The following ERC2 variants were observed in gnomAD, a reference collection of about 807,000 sequenced individuals.
ERC2 encodes ELKS/RAB6-interacting/CAST family member 2, also known as ERC protein 2.
ERC2 carries 42 observed loss-of-function variants against 114.8 expected under a neutral mutation model. That is an observed-to-expected ratio of 0.37 (90% confidence interval 0.29 to 0.47). ERC2 has a LOEUF of 0.47. ERC2 is among the 20% of genes least tolerant of loss of function. The pLI, the probability that ERC2 is intolerant of heterozygous loss-of-function variation, is 0.99. For missense variants in ERC2, 939 were observed against 1,150.7 expected (o/e 0.82, Z 2.66); for synonymous variants, 454 against 425.5 (o/e 1.07, Z -0.82).
intron 14 of ERC2, among the ~76,000 whole-genome samples, chr3:55,817,562 A>G (rs1167817879): frequency 1.3e-5 from 2 of 152,184 alleles, no homozygotes; most frequent in Non-Finnish European, 2.9e-5. Flanking sequence ...GAATTGACTC[A>G]TATATTTATT....
At chr3:56,170,971 T>G (rs2082635627) in intron 4 of ERC2, among the ~76,000 whole-genome samples, 1 of 152,076 alleles carries the variant, frequency 6.6e-6, no homozygotes, top group Non-Finnish European at 1.5e-5. Context: ...TTCACCGTGT[T>G]AGTCAGGATG....
At chr3:55,832,872 C>G (rs371970341) in intron 14 of ERC2, among the ~76,000 whole-genome samples, 2 of 151,980 alleles carry the variant, frequency 1.3e-5, no homozygotes, top group Non-Finnish European at 2.9e-5. Context: ...ACAATTTAGA[C>G]GAATGTATAA....
chr3:56,465,479 C>G (rs1271361492), intron 1 of ERC2, among the ~76,000 whole-genome samples: 1 of 152,198 alleles, frequency 6.6e-6, no homozygotes, highest in Admixed American at 6.5e-5. Flanking sequence ...TACCTAATCA[C>G]TAATGGAAAA....
chr3:56,441,176 G>C (rs2062287918), intron 1 of ERC2, among the ~76,000 whole-genome samples: 1 of 152,160 alleles, frequency 6.6e-6, no homozygotes. Flanking sequence ...CACACAGAAC[G>C]GCCCTGGAAG....
intron 14 of ERC2, among the ~76,000 whole-genome samples, chr3:55,850,310 T>C (rs913814951): frequency 1.3e-5 from 2 of 152,228 alleles, no homozygotes; most frequent in African/African-American, 4.8e-5. Context: ...AGGTTCCAGG[T>C]GGACATATCT....
At chr3:56,275,909 C>G (rs528052838) in intron 3 of ERC2, among the ~76,000 whole-genome samples, 63 of 152,182 alleles carry the variant, frequency 4.1e-4, no homozygotes, top group African/African-American at 1.5e-3. Flanking sequence ...GAGGACAAGC[C>G]CCCATCCCCA....
chr3:55,994,010 A>AAT (rs1366405917), intron 10 of ERC2, among the ~76,000 whole-genome samples: 7 of 152,148 alleles, frequency 4.6e-5, no homozygotes, highest in Non-Finnish European at 7.4e-5. Context: ...TCTATTTGTG[A>AAT]CAATATGAAT....
chr3:56,118,452 T>C (rs1179972963), intron 6 of ERC2, among the ~76,000 whole-genome samples: 1 of 152,048 alleles, frequency 6.6e-6, no homozygotes, highest in Non-Finnish European at 1.5e-5. Context: ...ACAGCAGGAA[T>C]TTCCTAGAAG....
At chr3:56,070,353 C>T (rs2076674933) in intron 7 of ERC2, among the ~76,000 whole-genome samples, 1 of 152,094 alleles carries the variant, frequency 6.6e-6, no homozygotes, top group East Asian at 1.9e-4. Context: ...CTTGGATTGA[C>T]AGATGTGTCA....
chr3:55,606,587 G>T (rs1050260341), intron 17 of ERC2: 1 of 152,150 alleles, frequency 6.6e-6, no homozygotes, highest in East Asian at 1.9e-4. Context: ...CTAGATTATT[G>T]TTCTACACTG....
At chr3:56,169,394 A>G (rs2082500890) in intron 4 of ERC2, among the ~76,000 whole-genome samples, 1 of 152,210 alleles carries the variant, frequency 6.6e-6, no homozygotes, top group African/African-American at 2.4e-5. Flanking sequence ...CTAAGTTTGG[A>G]GTGAAGCTTT....
chr3:56,386,854 T>G (rs2059951201), intron 2 of ERC2, among the ~76,000 whole-genome samples: 2 of 152,306 alleles, frequency 1.3e-5, no homozygotes, highest in African/African-American at 4.8e-5. Flanking sequence ...GTAAGACTTT[T>G]GGGCAGGTAA....
At chr3:55,569,217 A>C (rs1412408644) in intron 17 of ERC2, among the ~76,000 whole-genome samples, 1 of 152,180 alleles carries the variant, frequency 6.6e-6, no homozygotes, top group Non-Finnish European at 1.5e-5. Flanking sequence ...CTAGCACACA[A>C]CAGCTTCCCA....
chr3:56,172,378 T>C (rs554951538), intron 4 of ERC2, among the ~76,000 whole-genome samples: 3 of 152,314 alleles, frequency 2.0e-5, no homozygotes, highest in African/African-American at 7.2e-5. Flanking sequence ...TAAGAAATTG[T>C]CATTGAATAA....
intron 17 of ERC2, among the ~76,000 whole-genome samples, chr3:55,579,151 T>C (rs2057132976): frequency 6.6e-6 from 1 of 152,226 alleles, no homozygotes; most frequent in African/African-American, 2.4e-5. Context: ...GGCATGCATA[T>C]AGGAATCCTG....
chr3:56,188,877 T>G lies in ERC2; in HGVS notation c.1075-15357A>C, dbSNP rs1447570529. On this transcript the variant is annotated intron_variant, in intron 3 of 17. Transcript: ENST00000288221. ...TTATAAATGTTAAGCCAAAATCTGC[T>G]GTCCGACTCTCCCCTCTTTGGTCTA... is the stretch of plus-strand genomic sequence containing the variant. Among the ~76,000 whole-genome samples the G allele has an allele frequency of 2.6e-5, 4 of 152,318 alleles. No homozygotes were observed. In the East Asian group the frequency reaches 7.7e-4, roughly 29 times the overall value.
At chr3:56,312,614 A>T (rs937168712) in intron 2 of ERC2, among the ~76,000 whole-genome samples, 9 of 152,292 alleles carry the variant, frequency 5.9e-5, no homozygotes, top group Non-Finnish European at 1.3e-4. Context: ...GTATCAATTT[A>T]AAAATAATAA....
chr3:55,576,265 C>A (rs1022800967), intron 17 of ERC2, among the ~76,000 whole-genome samples: 1 of 151,168 alleles, frequency 6.6e-6, no homozygotes, highest in Non-Finnish European at 1.5e-5. Flanking sequence ...GCTGAGATCA[C>A]GCCATTGCAC....
chr3:55,869,170 A>G (rs1042147957), intron 14 of ERC2, among the ~76,000 whole-genome samples: 1 of 152,150 alleles, frequency 6.6e-6, no homozygotes, highest in African/African-American at 2.4e-5. Flanking sequence ...GGGATAAATG[A>G]CTTGGGTTAG....
Sources: gnomAD v4.1 joint callset for allele counts (sites outside exome capture counted in the v4.1 genomes callset) on GRCh38, gnomAD v4.1.1 for gene constraint, MANE v1.5 for transcripts, NCBI Gene and HGNC (gene_info 2026-07-23, HGNC 2026-07-21) for gene names.